Variants in ARHGAP22 observed in about 807,000 individuals in gnomAD.
ARHGAP22 encodes the protein Rho GTPase activating protein 22.
In ARHGAP22, 48 loss-of-function variants were observed where a neutral mutation model predicts 59.1. The ratio of observed to expected loss-of-function variants is 0.81; its 90% CI spans 0.64 to 1.03. The LOEUF (loss-of-function observed/expected upper bound fraction) is 1.03. ARHGAP22 is among the 50% of genes least tolerant of loss of function. ARHGAP22 has a pLI of 0.00. For synonymous variants in ARHGAP22, 445 were observed against 416.4 expected, an observed-to-expected ratio of 1.07 and a Z score of -0.84; for missense variants, 1,015 against 958.7, an observed-to-expected ratio of 1.06 and a Z score of -0.78.
At chr10:48,626,864 T>C (rs2061467723) in intron 1 of ARHGAP22, among the ~76,000 whole-genome samples, 1 of 151,536 alleles carries the variant, frequency 6.6e-6, no homozygotes, top group Non-Finnish European at 1.5e-5. Flanking sequence ...TGTGGGAGAG[T>C]GGGAACTGGC....
At chr10:48,556,312 A>G (rs1349192784) in intron 2 of ARHGAP22, among the ~76,000 whole-genome samples, 1 of 152,148 alleles carries the variant, frequency 6.6e-6, no homozygotes, top group Non-Finnish European at 1.5e-5. Flanking sequence ...TCGAGATGCC[A>G]GATTCCCATG....
At chr10:48,644,180 T>C (rs1026636151) in intron 1 of ARHGAP22, among the ~76,000 whole-genome samples, 2 of 151,846 alleles carry the variant, frequency 1.3e-5, no homozygotes, top group Admixed American at 1.3e-4. Context: ...AAAGAAACAT[T>C]CTGAAAAAGA....
At chr10:48,439,670 C>T in the ARHGAP22 span, among the ~76,000 whole-genome samples, 1 of 152,180 alleles carries the variant, frequency 6.6e-6, no homozygotes, top group Non-Finnish European at 1.5e-5. Flanking sequence ...AAAATAAGTA[C>T]TTAAAATTGG....
intron 1 of ARHGAP22, among the ~76,000 whole-genome samples, chr10:48,649,758 A>G (rs1204534629): frequency 1.3e-5 from 2 of 152,144 alleles, no homozygotes; most frequent in Admixed American, 6.5e-5. Flanking sequence ...TGAGACTTTT[A>G]GCACAGAACT....
chr10:48,520,519 G>A (rs558656409), intron 3 of ARHGAP22, among the ~76,000 whole-genome samples: 53 of 152,314 alleles, frequency 3.5e-4, no homozygotes, highest in African/African-American at 1.2e-3. Context: ...GAGGACAAAG[G>A]GGATTCAGGG....
chr10:48,609,870 T>C (rs2060816048), upstream of ARHGAP22, among the ~76,000 whole-genome samples: 1 of 152,208 alleles, frequency 6.6e-6, no homozygotes, highest in Non-Finnish European at 1.5e-5. Flanking sequence ...AAACCTATCA[T>C]ATGCTGAATT....
chr10:48,651,823 C>A (rs1416497124), intron 1 of ARHGAP22, among the ~76,000 whole-genome samples: 1 of 152,070 alleles, frequency 6.6e-6, no homozygotes, highest in East Asian at 1.9e-4. Flanking sequence ...CTGAGATGTC[C>A]TCACTATTTC....
chr10:48,515,507 A>T (rs994345518), intron 3 of ARHGAP22, among the ~76,000 whole-genome samples: 38 of 152,234 alleles, frequency 2.5e-4, no homozygotes, highest in African/African-American at 8.9e-4. Context: ...ACTTTCAAAA[A>T]TAAAACTAGG....
chr10:48,561,910 A>G (rs1290649531), intron 2 of ARHGAP22, among the ~76,000 whole-genome samples: 1 of 152,176 alleles, frequency 6.6e-6, no homozygotes, highest in Admixed American at 6.6e-5. Context: ...ACTTTGGAAA[A>G]CAGTTAAGCA....
downstream of ARHGAP22, among the ~76,000 whole-genome samples, chr10:48,443,397 C>A (rs1383823739): frequency 6.6e-6 from 1 of 152,186 alleles, no homozygotes; most frequent in Non-Finnish European, 1.5e-5. Flanking sequence ...TTTCATGACC[C>A]CATCCTACCC....
intron 5 of ARHGAP22, among the ~76,000 whole-genome samples, chr10:48,457,237 G>A (rs937540357): frequency 1.3e-5 from 2 of 152,026 alleles, no homozygotes; most frequent in African/African-American, 2.4e-5. Flanking sequence ...GTCCTGACTC[G>A]CCTCACTCCC....
chr10:48,593,092 C>A (rs1057299335), intron 1 of ARHGAP22, among the ~76,000 whole-genome samples: 1 of 152,238 alleles, frequency 6.6e-6, no homozygotes, highest in African/African-American at 2.4e-5. Flanking sequence ...TCTGGCTCTA[C>A]ACCTGCCATA....
At chr10:48,594,408 G>A (rs1336470084) in intron 1 of ARHGAP22, among the ~76,000 whole-genome samples, 6 of 152,192 alleles carry the variant, frequency 3.9e-5, no homozygotes, top group Non-Finnish European at 8.8e-5. Flanking sequence ...GCTCAGTGAG[G>A]GTGTGTGGAT....
chr10:48,539,427 G>A (rs2055708445), intron 3 of ARHGAP22, among the ~76,000 whole-genome samples: 1 of 149,520 alleles, frequency 6.7e-6, no homozygotes, highest in South Asian at 2.1e-4. Flanking sequence ...AAGTAGCTGG[G>A]ACTACAGGCG....
chr10:48,548,340 C>T (rs879610241), intron 3 of ARHGAP22, among the ~76,000 whole-genome samples: 4 of 152,176 alleles, frequency 2.6e-5, no homozygotes, highest in Non-Finnish European at 5.9e-5. Context: ...TTAATCTCCA[C>T]TCCCCCGGCC....
chr10:48,622,520 C>G (rs1443761714), intron 1 of ARHGAP22, among the ~76,000 whole-genome samples: 2 of 152,054 alleles, frequency 1.3e-5, no homozygotes, highest in Non-Finnish European at 1.5e-5. Flanking sequence ...TACATGTATA[C>G]AATGTTTCAT....
chr10:48,544,763 C>T (rs2056282515), intron 3 of ARHGAP22, among the ~76,000 whole-genome samples: 1 of 152,148 alleles, frequency 6.6e-6, no homozygotes, highest in East Asian at 1.9e-4. Context: ...ATGCTCGCAA[C>T]ACAAATAAAT....
chr10:48,549,341 G>A (rs1055552286), intron 3 of ARHGAP22, among the ~76,000 whole-genome samples: 1 of 152,150 alleles, frequency 6.6e-6, no homozygotes, highest in Non-Finnish European at 1.5e-5. Flanking sequence ...GTCACCTGAT[G>A]TCTTTACCTG....
rs2060896349 is a variant in ARHGAP22, at chr10:48,611,807, T to TTCCCTTCCCTTCCCTTCCCTTCC, written c.53-28656_53-28655insGGAAGGGAAGGGAAGGGAAGGGA. 5.7e-5 allele frequency among the ~76,000 whole-genome samples: 2 copies of TTCCCTTCCCTTCCCTTCCCTTCC among 35,244 alleles called. 1 individual carries two copies. The highest frequency in any genetic ancestry group is 2.3e-4 in the African/African-American group (2 of 8,708). The allele number at this position is 35,244 out of a possible 152,430, so 23.1% of individuals were successfully genotyped here. A position where few individuals can be genotyped will look rare whatever the true frequency, so the allele number is the denominator to read the frequency against. ...TGCTCCTTTCCCTTCCCTTCCCTTC[T>TTCCCTTCCCTTCCCTTCCCTTCC]CTTCCCTTCCCTTCCCTTCCCTTCC... On this transcript the variant is annotated intron_variant, in intron 1 of 9. Transcript: ENST00000435790.
Sources: allele counts gnomAD v4.1 joint callset (sites outside exome capture counted in the v4.1 genomes callset), GRCh38; gene constraint gnomAD v4.1.1; transcripts MANE v1.5; gene names NCBI Gene and HGNC (gene_info 2026-07-23, HGNC 2026-07-21).